FER1L5: variants seen among roughly 807,000 people sequenced by gnomAD.
The protein encoded by FER1L5 is fer-1-like protein 5.
Under a neutral mutation model 279.9 loss-of-function variants are expected in FER1L5, and 187 were observed. That is an observed-to-expected ratio of 0.67 (90% confidence interval 0.59 to 0.75). The LOEUF is 0.75. FER1L5 is among the 30% of genes least tolerant of loss of function. The pLI is 0.00. For missense variants in FER1L5, 2,091 were observed against 2,594.4 expected, an observed-to-expected ratio of 0.81 and a Z score of 4.21; for synonymous variants, 921 against 989.7, an observed-to-expected ratio of 0.93 and a Z score of 1.30.
intron 18 of FER1L5, 41 bp downstream of exon 18, chr2:96,670,288 C>A (rs958355881): frequency 1.3e-6 from 2 of 1,547,974 alleles, no homozygotes; most frequent in Non-Finnish European, 1.7e-6. Context: ...AAACAAGAGC[C>A]CTGTCTGCCC....
At chr2:96,661,889 AC>A in intron 12 of FER1L5, 98 bp downstream of exon 12, 1 of 1,485,496 alleles carries the variant, frequency 6.7e-7, no homozygotes, top group South Asian at 1.3e-5. Flanking sequence ...TTGGCACTAA[AC>A]TACTGTTTGG....
chr2:96,648,735 G>A (rs1041224550), intron 4 of FER1L5, among the ~76,000 whole-genome samples: 1 of 152,176 alleles, frequency 6.6e-6, no homozygotes, highest in African/African-American at 2.4e-5. Context: ...TGGTTCCCTG[G>A]GCTGGTTGCT....
intron 9 of FER1L5, among the ~76,000 whole-genome samples, chr2:96,659,770 C>G (rs912085692): frequency 6.6e-6 from 1 of 151,922 alleles, no homozygotes; most frequent in Non-Finnish European, 1.5e-5. Flanking sequence ...GGATTACAGG[C>G]GTGAGCCACT....
Position 96,698,910 on chromosome 2 carries a change from T to C in FER1L5, c.4518+78T>C. On this transcript the variant is annotated intron_variant, in intron 41 of 52. Coordinates refer to ENST00000624922, the MANE Select transcript of FER1L5 (RefSeq NM_001293083.2). This position sits in a 1 kb window ranked among gnomAD's most constrained non-coding sequence, Gnocchi z 5.5. ...ATCTCTGGGAGCCCCCTCCGACTGCTGACACACAGAATGCCAACTCCCCAT... is the reference window on the plus strand; with the variant it reads ...ATCTCTGGGAGCCCCCTCCGACTGCCGACACACAGAATGCCAACTCCCCAT... 6.5e-7 allele frequency: 1 copy of C among 1,535,074 alleles called. No homozygotes were observed. Among genetic ancestry groups the C allele is most frequent in the African/African-American group, 1.4e-5 (1 of 72,744 alleles).
chr2:96,694,382 C>T lies in FER1L5; in HGVS notation c.3659C>T (p.Pro1220Leu). The T allele has an allele frequency of 6.5e-7, 1 of 1,550,384 alleles. No homozygotes were observed. The change falls in exon 34 of 53, where the codon CCT becomes CTT. Residue 1220 changes from proline (P) to leucine (L), a missense_variant. Transcript: ENST00000624922. The surrounding 1 kb of genome is among the most constrained non-coding windows in gnomAD (Gnocchi z 4.6). ...QTEKLGEKQL[P>L]ILSVPWKNGA... is the part of the protein sequence containing the mutation. ...CAGAAGCTTGGAGAGAAGCAGCTGCCTATCTTAAGCGTTCCCTGGAAGAAT... is the reference window on the plus strand; with the variant it reads ...CAGAAGCTTGGAGAGAAGCAGCTGCTTATCTTAAGCGTTCCCTGGAAGAAT...
intron 13 of FER1L5, 78 bp from the exon 14 acceptor site, chr2:96,663,361 A>G: frequency 7.3e-7 from 1 of 1,366,162 alleles, no homozygotes; most frequent in Non-Finnish European, 1.0e-6. Flanking sequence ...GGGAGGCTGG[A>G]CAGGAAGAGC....
intron 7 of FER1L5, 161 bp downstream of exon 7, chr2:96,652,181 AG>A (rs2075409821): frequency 1.0e-6 from 1 of 998,704 alleles, no homozygotes; most frequent in East Asian, 2.7e-5. Flanking sequence ...AATACAGAAC[AG>A]TATAACTCAG....
chr2:96,698,767 C>T lies in FER1L5; in HGVS notation c.4453C>T (p.Pro1485Ser), dbSNP rs2077478624. ...VWPEREDFPQ[P>S]CLVRVYMVRA... is the part of the protein sequence containing the mutation. ...GCCAGAGAGAGAGGACTTCCCCCAG[C>T]CGTGCTTGGTGCGGGTGTACATGGT... The change falls in exon 41 of 53, where the codon CCG (proline) becomes TCG (serine). Residue 1485 changes from proline to serine, a missense_variant. Pro to Ser is a moderately conservative substitution (Grantham distance 74). Transcript: ENST00000624922. The surrounding 1 kb of genome is among the most constrained non-coding windows in gnomAD (Gnocchi z 5.5). 6.4e-7 allele frequency: 1 copy of T among 1,568,948 alleles called. No individual in the cohort carries two copies. The highest frequency in any genetic ancestry group is 8.6e-7 in the Non-Finnish European group (1 of 1,157,414).
At chr2:96,643,033 A>G in intron 1 of FER1L5, 112 bp downstream of exon 1, 5 of 880,734 alleles carry the variant, frequency 5.7e-6, no homozygotes, top group Non-Finnish European at 8.4e-6. Context: ...CCTGTGTAAC[A>G]CAAAGTGAAG....
Position 96,704,673 on chromosome 2 carries a change from T to A in FER1L5, c.6155T>A (p.Leu2052His), listed in dbSNP as rs1477104154. 2 of 1,613,952 alleles carry A rather than the reference T, an allele frequency of 1.2e-6. No homozygotes were observed. Among genetic ancestry groups the A allele is most frequent in the East Asian group, 4.5e-5 (2 of 44,888 alleles). ...CACCTGAGTGATATTTTCCCAGAAC[T>A]TCCAGCCCCAGGAGACTAATTAGTC... ...TNHLSDIFPE[L>H]PAPGD The change falls in exon 53 of 53, where the codon CTT (leucine) becomes CAT (histidine). Residue 2052 changes from leucine to histidine, a missense_variant. Physicochemically the swap from Leu to His is moderately conservative, Grantham distance 99. Transcript: ENST00000624922.
At chr2:96,673,686 T>C (rs2076410668) in intron 19 of FER1L5, among the ~76,000 whole-genome samples, 1 of 152,188 alleles carries the variant, frequency 6.6e-6, no homozygotes, top group Non-Finnish European at 1.5e-5. Flanking sequence ...AATATATACT[T>C]ATTGCACACC....
chr2:96,698,671 G>T lies in FER1L5; in HGVS notation c.4357G>T (p.Gly1453Cys). 2 of 1,583,586 alleles carry T rather than the reference G, an allele frequency of 1.3e-6. No homozygotes were observed. Residue 1453 changes from glycine (G) to cysteine (C), a missense_variant and splice_region_variant, in exon 41 of 53, where the codon GGC becomes TGC. Physicochemically the swap from Gly to Cys is radical, Grantham distance 159. Transcript: ENST00000624922. The surrounding 1 kb of genome is among the most constrained non-coding windows in gnomAD (Gnocchi z 5.5). ...GCCCCCAACACCCTCCCCCCGCCAG[G>T]GCCTTTTCCGCATCTACCCCTTTCC... ...LDSPVVGEFK[G>C]LFRIYPFPEN...
intron 18 of FER1L5, 144 bp downstream of exon 18, chr2:96,670,391 T>A: frequency 9.1e-7 from 1 of 1,101,660 alleles, no homozygotes; most frequent in Non-Finnish European, 1.3e-6. Flanking sequence ...ATCGGCCTGA[T>A]TATTTACTAA....
In FER1L5 at chr2:96,689,872, G is replaced by A; in HGVS notation, c.2640+114G>A. 1 of 919,256 alleles carries A rather than the reference G, an allele frequency of 1.1e-6. No homozygotes were observed. Among genetic ancestry groups the A allele is most frequent in the East Asian group, 2.7e-5 (1 of 37,530 alleles). 56.9% of individuals were successfully genotyped at this position (919,256 alleles called of 1,614,324 possible). A position where few individuals can be genotyped will look rare whatever the true frequency, so the allele number is the denominator to read the frequency against. On this transcript the variant is annotated intron_variant, in intron 26 of 52. Transcript: ENST00000624922. The surrounding 1 kb of genome is among the most constrained non-coding windows in gnomAD (Gnocchi z 4.6). ...GTCTGAGCCCTATGCCCTGCACTAT[G>A]TGTGGGGCCCCGGGTGAGCGCACCA...
At position 96,694,314 on chromosome 2, in the gene FER1L5, C is replaced by T; in HGVS notation, c.3637-46C>T. ...GACCTGCTTGAGGTGAGGGTGAGGGCAGCAGGACCAGCCCAGAGGGCCTCA... is the reference window on the plus strand; with the variant it reads ...GACCTGCTTGAGGTGAGGGTGAGGGTAGCAGGACCAGCCCAGAGGGCCTCA... On this transcript the variant is annotated intron_variant, in intron 33 of 52. Coordinates refer to ENST00000624922, the MANE Select transcript of FER1L5 (RefSeq NM_001293083.2). This position sits in a 1 kb window ranked among gnomAD's most constrained non-coding sequence, Gnocchi z 4.6. 6.7e-7 allele frequency: 1 copy of T among 1,490,538 alleles called. No individual in the cohort carries two copies. Among genetic ancestry groups the T allele is most frequent in the Non-Finnish European group, 9.0e-7 (1 of 1,109,118 alleles). 92.3% of individuals were successfully genotyped at this position (1,490,538 alleles called of 1,614,324 possible).
chr2:96,678,113 T>A (rs1449006401), intron 19 of FER1L5, among the ~76,000 whole-genome samples: 13 of 151,586 alleles, frequency 8.6e-5, no homozygotes, highest in East Asian at 3.9e-4. Context: ...TTTTTTTTTT[T>A]AATTTTTATT....
rs537775836 is a variant in FER1L5 at position 96,699,060 on chromosome 2, A to T, written c.4534A>T (p.Ile1512Phe). 1 of 1,610,896 alleles carries T rather than the reference A, an allele frequency of 6.2e-7. No individual in the cohort carries two copies. Residue 1512 changes from isoleucine to phenylalanine, a missense_variant, in exon 42 of 53, where the codon ATC becomes TTC. By Grantham distance (21) the Ile-to-Phe change is conservative. Transcript: ENST00000624922. ...CTGACCCCAGTGTGACCCTTATGTG[A>T]TCCTGAAACTGGGCAAGACAGAGCT... ...DYNGLCDPYV[I>F]LKLGKTELGN...
Position 96,699,928 on chromosome 2 carries a change from A to G in FER1L5, c.4782-4A>G. ...CAGACCTCTTCCTCTCACATCCCCC[A>G]CAGGTCAGGGCCCTTTAGATGGCGG... On this transcript the variant is annotated splice_region_variant and splice_polypyrimidine_tract_variant and intron_variant, in intron 43 of 52. Transcript: ENST00000624922. The G allele has an allele frequency of 1.2e-6, 2 of 1,613,250 alleles. No individual in the cohort carries two copies. Among genetic ancestry groups the G allele is most frequent in the Non-Finnish European group, 1.7e-6 (2 of 1,179,584 alleles).
chr2:96,660,317 C>T (rs2075908056), intron 9 of FER1L5, 24 bp from the exon 10 acceptor site: 1 of 1,551,480 alleles, frequency 6.4e-7, no homozygotes. Flanking sequence ...CTAACTAATC[C>T]TCACCCCACT....
Sources: gnomAD v4.1 joint callset for allele counts (sites outside exome capture counted in the v4.1 genomes callset) on GRCh38, gnomAD v4.1.1 for gene constraint, Gnocchi (gnomAD v3.1) non-coding constraint, MANE v1.5 for transcripts, NCBI Gene and HGNC (gene_info 2026-07-23, HGNC 2026-07-21) for gene names.